Variants in FRYL observed in about 807,000 individuals in gnomAD.
The protein encoded by FRYL is protein furry homolog-like.
A neutral mutation model predicts 351.2 loss-of-function variants in FRYL; 150 were observed. That is an observed-to-expected ratio of 0.43 (90% confidence interval 0.37 to 0.49). FRYL has a LOEUF of 0.49. FRYL is among the 20% of genes least tolerant of loss of function. The pLI, the probability that FRYL is intolerant of heterozygous loss-of-function variation, is 0.00. For missense variants in FRYL, 3,036 were observed against 3,619.3 expected, an observed-to-expected ratio of 0.84 and a Z score of 4.13; for synonymous variants, 1,153 against 1,257.1, an observed-to-expected ratio of 0.92 and a Z score of 1.75.
chr4:48,535,566 T>C, intron 48 of FRYL, 91 bp downstream of exon 48: 1 of 605,450 alleles, frequency 1.7e-6, no homozygotes, highest in African/African-American at 2.1e-5. Flanking sequence ...AAAATATATA[T>C]ATGTGTATAT....
At chr4:48,658,603 A>G (rs1759749320) in intron 3 of FRYL, among the ~76,000 whole-genome samples, 1 of 150,734 alleles carries the variant, frequency 6.6e-6, no homozygotes, top group Non-Finnish European at 1.5e-5. Context: ...AAAAAAAAAA[A>G]AATTGCCAGG....
Position 48,576,081 on chromosome 4 carries a change from A to AG in FRYL, c.2669dup (p.Pro891SerfsTer2). On this transcript the variant is annotated frameshift_variant, in exon 24 of 64. Coordinates refer to ENST00000358350, the MANE Select transcript of FRYL (RefSeq NM_015030.2). LOFTEE classifies it high-confidence loss of function. ...CTGGGGTAGACGCCAGCGTCTCAGG[A>AG]GGAGAACATCTCACAGAACCTGCAG... is the stretch of plus-strand genomic sequence containing the variant. 1.2e-6 allele frequency: 2 copies of AG among 1,613,810 alleles called. No homozygotes were observed. Among genetic ancestry groups the AG allele is most frequent in the Non-Finnish European group, 1.7e-6 (2 of 1,179,882 alleles).
intron 27 of FRYL, 25 bp downstream of exon 27, chr4:48,570,802 T>A: frequency 6.5e-7 from 1 of 1,526,720 alleles, no homozygotes; most frequent in Non-Finnish European, 9.1e-7. Context: ...TTCCAGAGTT[T>A]TAACAATGTG....
At chr4:48,600,094 G>A (rs1267695509) in intron 13 of FRYL, among the ~76,000 whole-genome samples, 1 of 151,446 alleles carries the variant, frequency 6.6e-6, no homozygotes, top group African/African-American at 2.4e-5. Context: ...GTGACAGAGC[G>A]AGACTTCATC....
At chr4:48,628,869 G>A (rs1415614269) in intron 4 of FRYL, among the ~76,000 whole-genome samples, 1 of 151,696 alleles carries the variant, frequency 6.6e-6, no homozygotes, top group Non-Finnish European at 1.5e-5. Context: ...AAGGTGGCAG[G>A]TGCTACATAG....
chr4:48,594,950 C>CA (rs11394091), intron 15 of FRYL, among the ~76,000 whole-genome samples: 73,104 of 151,622 alleles, frequency 0.48, 17,764 homozygotes, highest in South Asian at 0.62. Context: ...TCCCATTTAA[C>CA]AAAAAGCTTG....
At chr4:48,644,244 C>T (rs1256856462) in intron 3 of FRYL, among the ~76,000 whole-genome samples, 1 of 151,926 alleles carries the variant, frequency 6.6e-6, no homozygotes, top group East Asian at 1.9e-4. Context: ...GCCTGGCCAG[C>T]CCACTAAAAT....
At chr4:48,664,802 A>G (rs1761431457) in intron 3 of FRYL, among the ~76,000 whole-genome samples, 1 of 152,240 alleles carries the variant, frequency 6.6e-6, no homozygotes, top group African/African-American at 2.4e-5. Flanking sequence ...TAAAGAGACA[A>G]TAATTCAAAT....
chr4:48,719,991 A>C (rs1560312585), intron 1 of FRYL, among the ~76,000 whole-genome samples: 1 of 150,870 alleles, frequency 6.6e-6, no homozygotes, highest in Non-Finnish European at 1.5e-5. Context: ...CCCTACTAAA[A>C]ATACAAAAAT....
intron 4 of FRYL, among the ~76,000 whole-genome samples, chr4:48,632,943 C>T (rs1222468474): frequency 6.6e-6 from 1 of 152,156 alleles, no homozygotes; most frequent in East Asian, 1.9e-4. Flanking sequence ...AGTAAGCACA[C>T]AGGTTCTAAA....
chr4:48,586,841 T>C (rs115276451), intron 18 of FRYL, 113 bp from the exon 19 acceptor site: 13,657 of 621,710 alleles, frequency 0.022, 207 homozygotes, highest in Non-Finnish European at 0.03. Flanking sequence ...GTTCAATGTA[T>C]TTAATATTTT....
intron 50 of FRYL, among the ~76,000 whole-genome samples, chr4:48,530,437 T>C (rs927321773): frequency 2.6e-5 from 4 of 152,274 alleles, no homozygotes; most frequent in African/African-American, 9.6e-5. Context: ...TCCTCCCTGC[T>C]CTATTTTCTA....
In FRYL at chr4:48,564,972, G is replaced by A. The variant is rs1426307180; in HGVS notation, c.3402C>T (p.Tyr1134=). Residue 1134 remains tyrosine, a synonymous_variant, in exon 30 of 64, where the codon TAC becomes TAT. Transcript: ENST00000358350. The part of the protein sequence containing the change: ...NVGLSSDGYL[Y]KWLDNILDSL... The stretch of plus-strand genomic sequence containing the variant: ...AATCCAAAATGTTATCCAACCATTT[G>A]TACAAATAGCCATCTGATGAAAGTC... 1 of 1,607,806 alleles carries A rather than the reference G, an allele frequency of 6.2e-7. No individual in the cohort carries two copies.
intron 15 of FRYL, among the ~76,000 whole-genome samples, 193 bp from the exon 16 acceptor site, chr4:48,594,209 T>A (rs574511560): frequency 1.3e-5 from 2 of 152,272 alleles, no homozygotes; most frequent in Middle Eastern, 3.4e-3. Flanking sequence ...ATCAAATGAT[T>A]TGTTTAATAC....
intron 1 of FRYL, among the ~76,000 whole-genome samples, chr4:48,743,868 T>G (rs2149652582): frequency 6.6e-6 from 1 of 152,250 alleles, no homozygotes; most frequent in African/African-American, 2.4e-5. Context: ...CCCCGCAGAT[T>G]TTTGACTTGT....
intron 1 of FRYL, among the ~76,000 whole-genome samples, chr4:48,720,469 G>A (rs1174116382): frequency 6.6e-6 from 1 of 151,848 alleles, no homozygotes; most frequent in Non-Finnish European, 1.5e-5. Context: ...TTCACTCCAG[G>A]CCTGGGCAAC....
intron 16 of FRYL, among the ~76,000 whole-genome samples, 159 bp from the exon 17 acceptor site, chr4:48,590,989 G>A (rs1289234862): frequency 6.6e-6 from 1 of 152,136 alleles, no homozygotes; most frequent in Non-Finnish European, 1.5e-5. Context: ...ACTAGCACAG[G>A]CATTAGAATT....
At chr4:48,554,569 C>T (rs1189890546) in intron 35 of FRYL, among the ~76,000 whole-genome samples, 2 of 152,144 alleles carry the variant, frequency 1.3e-5, no homozygotes, top group Non-Finnish European at 2.9e-5. Context: ...GAACTCCTGA[C>T]CTCAGGTGAT....
intron 6 of FRYL, among the ~76,000 whole-genome samples, chr4:48,619,638 TA>T (rs1750250700): frequency 6.6e-6 from 1 of 152,092 alleles, no homozygotes. Flanking sequence ...CCCAAGTAGC[TA>T]GACTACAGGC....
Sources: gnomAD v4.1 joint callset for allele counts (sites outside exome capture counted in the v4.1 genomes callset) on GRCh38, gnomAD v4.1.1 for gene constraint, MANE v1.5 for transcripts, NCBI Gene and HGNC (gene_info 2026-07-23, HGNC 2026-07-21) for gene names.